LRRC15: variants seen among roughly 807,000 people sequenced by gnomAD.
The protein encoded by LRRC15 is leucine-rich repeat-containing protein 15.
A neutral mutation model predicts 4.3 loss-of-function variants in LRRC15; 5 were observed. The observed-to-expected ratio is 1.16, with a 90% CI of 0.61 to 2.44. LRRC15 has a LOEUF of 2.44. LRRC15 is among the 30% of genes most tolerant of loss of function. The probability of loss-of-function intolerance (pLI) is 0.01; values close to 1 mark genes in which losing one functional copy is unlikely to be tolerated. For missense variants in LRRC15, 769 were observed against 747.0 expected (o/e 1.03, Z -0.34); for synonymous variants, 337 against 323.2 (o/e 1.04, Z -0.46).
intron 1 of LRRC15, among the ~76,000 whole-genome samples, chr3:194,366,995 G>A (rs1438336691): frequency 6.6e-6 from 1 of 152,194 alleles, no homozygotes; most frequent in African/African-American, 2.4e-5. Context: ...GGGAGGAGGT[G>A]GATTTGCACC....
chr3:194,368,563 CT>C (rs1713847256), intron 1 of LRRC15, among the ~76,000 whole-genome samples: 1 of 152,128 alleles, frequency 6.6e-6, no homozygotes, highest in South Asian at 2.1e-4. Flanking sequence ...CGTTAGAGCA[CT>C]TCTAAATTAA....
Position 194,359,725 on chromosome 3 carries a change from AG to A in LRRC15, c.1318del (p.Leu440SerfsTer6). 1 of 1,614,202 alleles carries A rather than the reference AG, an allele frequency of 6.2e-7. No individual in the cohort carries two copies. The highest frequency in any genetic ancestry group is 2.2e-5 in the East Asian group (1 of 44,884). ...GTCCGTCCCTAACCTAGGCTGGTTG[AG>A]CAGGAGCCAGTTGCGGAGCGGAAGG... is the stretch of plus-strand genomic sequence containing the variant. ...DILPLRNWLL[L>X]NQPRLGTDTV... On this transcript the variant is annotated frameshift_variant, in exon 2 of 2. Coordinates refer to ENST00000347624, the MANE Select transcript of LRRC15 (RefSeq NM_130830.5). LOFTEE classifies it low-confidence loss of function (END_TRUNC).
intron 1 of LRRC15, among the ~76,000 whole-genome samples, chr3:194,368,460 G>C (rs767017847): frequency 6.6e-6 from 1 of 152,028 alleles, no homozygotes; most frequent in Non-Finnish European, 1.5e-5. Flanking sequence ...TGCTGAGCCC[G>C]CCCAGCTGAC....
In LRRC15 at chr3:194,355,642, G is replaced by C. The variant is rs1465859422; in HGVS notation, c.*3656C>G. The C allele has an allele frequency of 6.6e-6, 1 of 152,218 alleles. No homozygotes were observed. The highest frequency in any genetic ancestry group is 6.5e-5 in the Admixed American group (1 of 15,282). 9.4% of individuals were successfully genotyped at this position (152,218 alleles called of 1,614,324 possible). A position where few individuals can be genotyped will look rare whatever the true frequency, so the allele number is the denominator to read the frequency against. The stretch of plus-strand genomic sequence containing the variant: ...TCAGTTCTGACTGTGGGATCTGGGG[G>C]CTGAATCTTTGAGTGGTTTATAGCT... On this transcript the variant is annotated 3_prime_UTR_variant, in exon 2 of 2. Coordinates refer to ENST00000347624, the MANE Select transcript of LRRC15 (RefSeq NM_130830.5).
chr3:194,361,807 T>C (rs914137490), intron 1 of LRRC15, among the ~76,000 whole-genome samples: 9 of 152,214 alleles, frequency 5.9e-5, no homozygotes, highest in South Asian at 2.1e-4. Context: ...CTTAGCCATC[T>C]GCTAGCCCTT....
intron 1 of LRRC15, among the ~76,000 whole-genome samples, chr3:194,369,053 G>T (rs564158289): frequency 7.1e-4 from 108 of 152,210 alleles, no homozygotes; most frequent in Non-Finnish European, 1.3e-3. Flanking sequence ...GCCCATGTCC[G>T]AATTCCAAAT....
chr3:194,366,676 A>G (rs928947837), intron 1 of LRRC15, among the ~76,000 whole-genome samples: 5 of 152,182 alleles, frequency 3.3e-5, no homozygotes, highest in Admixed American at 3.3e-4. Flanking sequence ...CCGCATCCCC[A>G]TCAGGAACTG....
Position 194,360,481 on chromosome 3 carries a change from A to G in LRRC15, c.563T>C (p.Ile188Thr). The change falls in exon 2 of 2, where the codon ATC (isoleucine) becomes ACC (threonine). Residue 188 changes from isoleucine to threonine, a missense_variant. Physicochemically the swap from Ile to Thr is moderately conservative, Grantham distance 89 (BLOSUM62 -1). Coordinates refer to ENST00000347624, the MANE Select transcript of LRRC15 (RefSeq NM_130830.5). The stretch of plus-strand genomic sequence containing the variant: ...CAGGTGCTGGAAGACCCTGGGTGAG[A>G]TGTGGGTGAGGCTATTCTTGCCCAG... ...LNLGKNSLTH[I>T]SPRVFQHLGN... 1 of 1,614,048 alleles carries G rather than the reference A, an allele frequency of 6.2e-7. No individual in the cohort carries two copies. Among genetic ancestry groups the G allele is most frequent in the Non-Finnish European group, 8.5e-7 (1 of 1,179,986 alleles).
rs1304851676 is a variant in LRRC15, at chr3:194,360,403, A to T, written c.641T>A (p.Met214Lys). Residue 214 changes from methionine (M) to lysine (K), a missense_variant, in exon 2 of 2, where the codon ATG becomes AAG. Coordinates refer to ENST00000347624, the MANE Select transcript of LRRC15 (RefSeq NM_130830.5). ...LYENRLTDIP[M>K]GTFDGLVNLQ... Reference sequence around the variant, plus strand: ...GTTAACAAGCCCATCAAAAGTGCCCATGGGGATATCCGTGAGCCTGTTCTC... The same window carrying T: ...GTTAACAAGCCCATCAAAAGTGCCCTTGGGGATATCCGTGAGCCTGTTCTC... 31 of 1,614,178 alleles carry T rather than the reference A, an allele frequency of 1.9e-5. No individual in the cohort carries two copies. The highest frequency in any genetic ancestry group is 2.6e-5 in the Non-Finnish European group (31 of 1,180,046).
rs1010516992 is a variant in LRRC15, at chr3:194,359,604, C to T, written c.1440G>A (p.Glu480=). The change falls in exon 2 of 2, where the codon GAG becomes GAA. Residue 480 remains glutamate (E), a synonymous_variant. Transcript: ENST00000347624. The part of the protein sequence containing the change: ...NVAVPSVHVP[E]VPSYPETPWY... ...ATGGTGTTTCTGGGTAACTAGGCAC[C>T]TCGGGGACATGGACGCTTGGAACAG... The T allele has an allele frequency of 3.8e-5, 62 of 1,613,662 alleles. No homozygotes were observed. The highest frequency in any genetic ancestry group is 4.9e-5 in the Non-Finnish European group (58 of 1,179,892).
rs757264988 is a variant in LRRC15, at chr3:194,360,916, C to G, written c.128G>C (p.Arg43Pro). The G allele has an allele frequency of 6.2e-7, 1 of 1,600,694 alleles. No individual in the cohort carries two copies. Among genetic ancestry groups the G allele is most frequent in the South Asian group, 1.1e-5 (1 of 89,670 alleles). The change falls in exon 2 of 2, where the codon CGC becomes CCC. Residue 43 changes from arginine to proline, a missense_variant. Coordinates refer to ENST00000347624, the MANE Select transcript of LRRC15 (RefSeq NM_130830.5). Reference sequence around the variant, plus strand: ...CAGAGGGGTGGGCACTGCCACAATGCGTGCCCCGGTGCACTCCACCTGGGA... The same window carrying G: ...CAGAGGGGTGGGCACTGCCACAATGGGTGCCCCGGTGCACTCCACCTGGGA... ...RASQVECTGA[R>P]IVAVPTPLPW... is the part of the protein sequence containing the mutation.
Position 194,359,896 on chromosome 3 carries a change from T to C in LRRC15, c.1148A>G (p.Asn383Ser). The C allele has an allele frequency of 6.2e-7, 1 of 1,614,102 alleles. No homozygotes were observed. Among genetic ancestry groups the C allele is most frequent in the Non-Finnish European group, 8.5e-7 (1 of 1,179,986 alleles). The change falls in exon 2 of 2, where the codon AAT (asparagine) becomes AGT (serine). Residue 383 changes from asparagine to serine, a missense_variant. Coordinates refer to ENST00000347624, the MANE Select transcript of LRRC15 (RefSeq NM_130830.5). ...GAGGCCATTGACGTTGGCGAAGATA[T>C]TCCCTGGGAGCTGTCTGAGGCGGTT... is the stretch of plus-strand genomic sequence containing the variant. ...QNNRLRQLPG[N>S]IFANVNGLMA...
chr3:194,359,917 C>A lies in LRRC15; in HGVS notation c.1127G>T (p.Arg376Leu). 6.2e-7 allele frequency: 1 copy of A among 1,614,112 alleles called. No homozygotes were observed. The highest frequency in any genetic ancestry group is 8.5e-7 in the Non-Finnish European group (1 of 1,180,002). Reference sequence around the variant, plus strand: ...GATATTCCCTGGGAGCTGTCTGAGGCGGTTGTTCTGCAGGGAGATGTTCTG... The same window carrying A: ...GATATTCCCTGGGAGCTGTCTGAGGAGGTTGTTCTGCAGGGAGATGTTCTG... Reference protein sequence around the residue: ...NLQNISLQNNRLRQLPGNIFA... With the variant: ...NLQNISLQNNLLRQLPGNIFA... Residue 376 changes from arginine (R) to leucine (L), a missense_variant, in exon 2 of 2, where the codon CGC becomes CTC. Arg to Leu is a moderately radical substitution (Grantham distance 102). Transcript: ENST00000347624.
At chr3:194,365,186 T>C (rs12494570) in intron 1 of LRRC15, among the ~76,000 whole-genome samples, 65,873 of 152,064 alleles carry the variant, frequency 0.43, 16,225 homozygotes, top group African/African-American at 0.65. Flanking sequence ...AATAGCCTGG[T>C]GTCTATCACT....
chr3:194,367,174 G>A (rs1713806248), intron 1 of LRRC15, among the ~76,000 whole-genome samples: 1 of 152,216 alleles, frequency 6.6e-6, no homozygotes, highest in Non-Finnish European at 1.5e-5. Flanking sequence ...GTCTCCTGGA[G>A]GACTGTAGGG....
At chr3:194,362,451 G>A (rs1166365735) in intron 1 of LRRC15, among the ~76,000 whole-genome samples, 1 of 152,138 alleles carries the variant, frequency 6.6e-6, no homozygotes, top group Non-Finnish European at 1.5e-5. Flanking sequence ...TCTGGTCTTG[G>A]CATTCGTAGT....
At position 194,359,417 on chromosome 3, in the gene LRRC15, C is replaced by A. The variant is rs774070397; in HGVS notation, c.1627G>T (p.Ala543Ser). 3.1e-6 allele frequency: 5 copies of A among 1,614,058 alleles called. No individual in the cohort carries two copies. The highest frequency in any genetic ancestry group is 4.2e-6 in the Non-Finnish European group (5 of 1,180,044). The stretch of plus-strand genomic sequence containing the variant: ...AGGGCGACAATGCCAATTACAATGG[C>A]GGCAATGGCCAGCCCGCTCTGGGCC... Reference protein sequence around the residue: ...TQAQSGLAIAAIVIGIVALAC... With the variant: ...TQAQSGLAIASIVIGIVALAC... Residue 543 changes from alanine (A) to serine (S), a missense_variant, in exon 2 of 2, where the codon GCC becomes TCC. By Grantham distance (99) the Ala-to-Ser change is moderately conservative (BLOSUM62 1). Coordinates refer to ENST00000347624, the MANE Select transcript of LRRC15 (RefSeq NM_130830.5).
chr3:194,360,984 C>G lies in LRRC15; in HGVS notation c.60G>C (p.Leu20Phe). The G allele has an allele frequency of 6.5e-7, 1 of 1,545,172 alleles. No individual in the cohort carries two copies. The highest frequency in any genetic ancestry group is 1.9e-5 in the Admixed American group (1 of 53,060). The stretch of plus-strand genomic sequence containing the variant: ...ACTCGCTAGGGCAGCCATGGTAGGC[C>G]AACCCTGCACCCCAGGCTTGGCAGC... ...LVGCQAWGAG[L>F]AYHGCPSECT... Residue 20 changes from leucine to phenylalanine, a missense_variant, in exon 2 of 2, where the codon TTG (leucine) becomes TTC (phenylalanine). Coordinates refer to ENST00000347624, the MANE Select transcript of LRRC15 (RefSeq NM_130830.5).
rs73892331 is a variant in LRRC15, at chr3:194,357,671, G to A, written c.*1627C>T. On this transcript the variant is annotated 3_prime_UTR_variant, in exon 2 of 2. Transcript: ENST00000347624. ...AGACCACACGCAGGAGGAGCTCCAG[G>A]GAGCCCCCAGACCCAGTGTGACCCA... is the stretch of plus-strand genomic sequence containing the variant. 1.1e-4 allele frequency: 16 copies of A among 152,294 alleles called. No homozygotes were observed. The highest frequency in any genetic ancestry group is 3.9e-4 in the African/African-American group (16 of 41,558). 9.4% of individuals were successfully genotyped at this position (152,294 alleles called of 1,614,324 possible). A position where few individuals can be genotyped will look rare whatever the true frequency, so the allele number is the denominator to read the frequency against.
Sources: allele counts gnomAD v4.1 joint callset (sites outside exome capture counted in the v4.1 genomes callset), GRCh38; gene constraint gnomAD v4.1.1; transcripts MANE v1.5; gene names NCBI Gene and HGNC (gene_info 2026-07-23, HGNC 2026-07-21).